LGSN: variants seen among roughly 807,000 people sequenced by gnomAD.
LGSN encodes the protein lengsin.
LGSN carries 21 observed loss-of-function variants against 19.5 expected under a neutral mutation model. The observed-to-expected ratio is 1.07, with a 90% CI of 0.76 to 1.55. The LOEUF is 1.55. LGSN is among the 40% of genes most tolerant of loss of function. The probability of loss-of-function intolerance (pLI) is 0.00; values close to 1 mark genes in which losing one functional copy is unlikely to be tolerated. For synonymous variants in LGSN, 257 were observed against 215.6 expected (o/e 1.19, Z -1.68); for missense variants, 673 against 608.5 (o/e 1.11, Z -1.12).
chr6:63,313,211 A>G (rs1001737828), intron 1 of LGSN, among the ~76,000 whole-genome samples: 1 of 152,180 alleles, frequency 6.6e-6, no homozygotes, highest in African/African-American at 2.4e-5. Flanking sequence ...AGGAAGTACC[A>G]ATGGACCATG....
At chr6:63,329,208 C>A in the LGSN span, among the ~76,000 whole-genome samples, 1 of 152,168 alleles carries the variant, frequency 6.6e-6, no homozygotes, top group Non-Finnish European at 1.5e-5. Flanking sequence ...AGTGCCTGAC[C>A]AAACAGATGA....
In LGSN at chr6:63,280,190, T is replaced by G. The variant is rs1767236977; in HGVS notation, c.1361A>C (p.Glu454Ala). 6.2e-7 allele frequency: 1 copy of G among 1,614,104 alleles called. No homozygotes were observed. Residue 454 changes from glutamate to alanine, a missense_variant, in exon 4 of 4, where the codon GAG becomes GCG. By Grantham distance (107) the Glu-to-Ala change is moderately radical. Coordinates refer to ENST00000370657, the MANE Select transcript of LGSN (RefSeq NM_016571.3). ...GGCATCTTCTAGTTTTAAAGGGATC[T>G]CAGAAGGTTCCACTTGGTAAAAGTC... ...STDFYQVEPS[E>A]IPLKLEDALV...
intron 1 of LGSN, among the ~76,000 whole-genome samples, chr6:63,299,165 G>T (rs1768094382): frequency 6.6e-6 from 1 of 152,136 alleles, no homozygotes; most frequent in African/African-American, 2.4e-5. Context: ...TAAAAAGACT[G>T]CCTATTGAAC....
At chr6:63,546,790 T>C in the LGSN span, among the ~76,000 whole-genome samples, 5 of 152,264 alleles carry the variant, frequency 3.3e-5, no homozygotes, top group Admixed American at 2.6e-4. Flanking sequence ...CTATAGTTAA[T>C]AATAATGTGT....
At chr6:63,449,696 G>A in the LGSN span, among the ~76,000 whole-genome samples, 1 of 152,094 alleles carries the variant, frequency 6.6e-6, no homozygotes, top group African/African-American at 2.4e-5. Context: ...AAACAAAAAT[G>A]AGTATCTGAT....
At chr6:63,325,584 A>G in the LGSN span, among the ~76,000 whole-genome samples, 1 of 152,230 alleles carries the variant, frequency 6.6e-6, no homozygotes, top group African/African-American at 2.4e-5. Flanking sequence ...GTAGCAAGGT[A>G]GAATCAGTAA....
the LGSN span, among the ~76,000 whole-genome samples, chr6:63,334,386 A>T: frequency 6.6e-6 from 1 of 152,212 alleles, no homozygotes; most frequent in South Asian, 2.1e-4. Context: ...AAAAAACTAG[A>T]AATAAATTTA....
the LGSN span, among the ~76,000 whole-genome samples, chr6:63,397,874 A>T: frequency 6.6e-6 from 1 of 152,170 alleles, no homozygotes; most frequent in South Asian, 2.1e-4. Flanking sequence ...TGGGAGGCAG[A>T]GGTTGCAATG....
chr6:63,332,976 C>T, the LGSN span, among the ~76,000 whole-genome samples: 11 of 151,988 alleles, frequency 7.2e-5, no homozygotes, highest in African/African-American at 1.2e-4. Flanking sequence ...CCGGTGGGCT[C>T]GTGGTCTCTC....
At chr6:63,483,599 G>T in the LGSN span, among the ~76,000 whole-genome samples, 123 of 152,110 alleles carry the variant, frequency 8.1e-4, no homozygotes, top group Middle Eastern at 3.4e-3. Flanking sequence ...ATGAGCAACT[G>T]TGCCTGGCCA....
the LGSN span, among the ~76,000 whole-genome samples, chr6:63,414,726 G>GCAA: frequency 6.6e-6 from 1 of 152,296 alleles, no homozygotes; most frequent in East Asian, 1.9e-4. Flanking sequence ...ACCAGCCTGG[G>GCAA]CAACATGGCC....
the LGSN span, among the ~76,000 whole-genome samples, chr6:63,532,786 A>G: frequency 6.6e-6 from 1 of 152,204 alleles, no homozygotes; most frequent in Non-Finnish European, 1.5e-5. Flanking sequence ...CTAGGCCCCA[A>G]AAGATTGAAT....
the LGSN span, among the ~76,000 whole-genome samples, chr6:63,531,660 T>C: frequency 6.6e-6 from 1 of 151,904 alleles, no homozygotes; most frequent in Non-Finnish European, 1.5e-5. Flanking sequence ...TGATCAATAT[T>C]TCATACTTTT....
At chr6:63,328,127 G>A in the LGSN span, among the ~76,000 whole-genome samples, 5 of 152,174 alleles carry the variant, frequency 3.3e-5, no homozygotes, top group African/African-American at 1.2e-4. Context: ...TGCTAACTGG[G>A]CACTGGTCCC....
At chr6:63,497,692 A>G in the LGSN span, among the ~76,000 whole-genome samples, 4 of 152,034 alleles carry the variant, frequency 2.6e-5, no homozygotes, top group African/African-American at 9.7e-5. Flanking sequence ...CACAGGAGTC[A>G]TTTTAGGAAA....
At chr6:63,515,886 G>C in the LGSN span, among the ~76,000 whole-genome samples, 4 of 152,168 alleles carry the variant, frequency 2.6e-5, no homozygotes, top group Non-Finnish European at 5.9e-5. Context: ...AGATATTAAA[G>C]AATTACAAGT....
chr6:63,332,454 C>A, the LGSN span, among the ~76,000 whole-genome samples: 1 of 152,112 alleles, frequency 6.6e-6, no homozygotes, highest in Non-Finnish European at 1.5e-5. Flanking sequence ...GGTCAACCAA[C>A]ATGTTGTTGG....
chr6:63,544,027 G>T, the LGSN span, among the ~76,000 whole-genome samples: 2 of 152,066 alleles, frequency 1.3e-5, no homozygotes, highest in South Asian at 4.1e-4. Context: ...TCACCACATT[G>T]TAATTCTCCG....
chr6:63,470,036 T>G, the LGSN span, among the ~76,000 whole-genome samples: 1 of 152,102 alleles, frequency 6.6e-6, no homozygotes, highest in Admixed American at 6.6e-5. Flanking sequence ...TTTTAATTTA[T>G]AATTAGTATT....
Sources: gnomAD v4.1 joint callset for allele counts (sites outside exome capture counted in the v4.1 genomes callset) on GRCh38, gnomAD v4.1.1 for gene constraint, MANE v1.5 for transcripts, NCBI Gene and HGNC (gene_info 2026-07-23, HGNC 2026-07-21) for gene names.